Variants in ARHGAP21 observed in about 807,000 individuals in gnomAD.
The protein encoded by ARHGAP21 is rho GTPase-activating protein 21.
Under a neutral mutation model 164.6 loss-of-function variants are expected in ARHGAP21, and 38 were observed. The ratio of observed to expected loss-of-function variants is 0.23; its 90% CI spans 0.18 to 0.30. The LOEUF is 0.30. Ranked by LOEUF, ARHGAP21 falls within the 10% of genes least tolerant of loss-of-function variation. The pLI, the probability that ARHGAP21 is intolerant of heterozygous loss-of-function variation, is 1.00. For synonymous variants in ARHGAP21, 766 were observed against 857.9 expected (o/e 0.89, Z 1.87); for missense variants, 1,822 against 2,370.7 (o/e 0.77, Z 4.81).
At chr10:24,638,942 C>G (rs770776733) in intron 4 of ARHGAP21, among the ~76,000 whole-genome samples, 1 of 152,130 alleles carries the variant, frequency 6.6e-6, no homozygotes, top group Non-Finnish European at 1.5e-5. Flanking sequence ...GAACACTACA[C>G]TTGAAATCAG....
intron 21 of ARHGAP21, among the ~76,000 whole-genome samples, chr10:24,593,433 A>C (rs1395935260): frequency 6.6e-6 from 1 of 152,140 alleles, no homozygotes; most frequent in Non-Finnish European, 1.5e-5. Context: ...TAGACTCTTG[A>C]CTATGATTTA....
intron 4 of ARHGAP21, among the ~76,000 whole-genome samples, chr10:24,652,768 G>T (rs1452946821): frequency 6.6e-6 from 1 of 152,190 alleles, no homozygotes; most frequent in Non-Finnish European, 1.5e-5. Context: ...ACAACAGCAA[G>T]TGTCAGTGAG....
At chr10:24,601,860 TG>T (rs1458354650) in intron 13 of ARHGAP21, 117 bp downstream of exon 13, 11 of 1,191,424 alleles carry the variant, frequency 9.2e-6, no homozygotes, top group Non-Finnish European at 1.2e-5. Context: ...TATTTATAAA[TG>T]GTTTTTTTTT....
intron 4 of ARHGAP21, among the ~76,000 whole-genome samples, chr10:24,653,093 A>G (rs543349056): frequency 2.6e-5 from 4 of 152,340 alleles, no homozygotes; most frequent in African/African-American, 4.8e-5. Flanking sequence ...CATACATAAG[A>G]TAAAAAATAC....
chr10:24,588,246 G>A (rs1257841017), intron 25 of ARHGAP21, among the ~76,000 whole-genome samples: 1 of 152,008 alleles, frequency 6.6e-6, no homozygotes, highest in Non-Finnish European at 1.5e-5. Context: ...GAATGCCCCA[G>A]TTCTCTGGTG....
intron 16 of ARHGAP21, 109 bp from the exon 17 acceptor site, chr10:24,596,991 T>C: frequency 8.4e-7 from 1 of 1,193,736 alleles, no homozygotes; most frequent in East Asian, 2.7e-5. Context: ...AGTCCTGTAA[T>C]ATAAATAATA....
chr10:24,690,970 T>A (rs1309513129), intron 2 of ARHGAP21, among the ~76,000 whole-genome samples: 1 of 151,954 alleles, frequency 6.6e-6, no homozygotes, highest in Non-Finnish European at 1.5e-5. Context: ...ATTAGAAAAG[T>A]ACATGGTGTC....
chr10:24,689,273 CATT>C (rs1294397723), intron 2 of ARHGAP21, among the ~76,000 whole-genome samples: 1 of 152,088 alleles, frequency 6.6e-6, no homozygotes, highest in South Asian at 2.1e-4. Flanking sequence ...GCTAATGTAT[CATT>C]TTTTTTCTAA....
intron 4 of ARHGAP21, among the ~76,000 whole-genome samples, chr10:24,657,984 C>G (rs545960410): frequency 1.4e-5 from 2 of 142,044 alleles, no homozygotes; most frequent in South Asian, 4.9e-4. Flanking sequence ...CTGACCTTCC[C>G]TCCACTATTG....
At chr10:24,688,503 T>C (rs928791208) in intron 2 of ARHGAP21, among the ~76,000 whole-genome samples, 4 of 152,218 alleles carry the variant, frequency 2.6e-5, no homozygotes, top group African/African-American at 7.2e-5. Context: ...ATCCAAACTA[T>C]GCATTAGGGT....
chr10:24,698,390 A>T (rs1351213344), intron 2 of ARHGAP21, among the ~76,000 whole-genome samples: 1 of 152,152 alleles, frequency 6.6e-6, no homozygotes, highest in Admixed American at 6.5e-5. Context: ...CGGCAAAGTG[A>T]CTAGTGAGTA....
Position 24,722,089 on chromosome 10 carries a change from C to T in ARHGAP21, c.-190G>A, listed in dbSNP as rs909969123. 6 of 628,840 alleles carry T rather than the reference C, an allele frequency of 9.5e-6. No individual in the cohort carries two copies. Among genetic ancestry groups the T allele is most frequent in the Non-Finnish European group, 1.7e-5 (6 of 347,182 alleles). The allele number at this position is 628,840 out of a possible 1,614,324, so 39.0% of individuals were successfully genotyped here. A position where few individuals can be genotyped will look rare whatever the true frequency, so the allele number is the denominator to read the frequency against. ...GCGCCTTCAAATGCCTCGCTGATTT[C>T]TCGTGACTTCAACTGACTTCGCCTT... On this transcript the variant is annotated 5_prime_UTR_variant, in exon 2 of 26. Coordinates refer to ENST00000396432, the MANE Select transcript of ARHGAP21 (RefSeq NM_020824.4).
chr10:24,678,042 G>T (rs1841426942), intron 2 of ARHGAP21, among the ~76,000 whole-genome samples: 1 of 151,798 alleles, frequency 6.6e-6, no homozygotes, highest in East Asian at 1.9e-4. Flanking sequence ...TGGGAGGGCA[G>T]CTTGAGCCCA....
chr10:24,603,241 AGGAAGAGCAAGAAAGTGTGGCAAGAT>A (rs992725004), intron 12 of ARHGAP21, among the ~76,000 whole-genome samples: 35 of 152,206 alleles, frequency 2.3e-4, no homozygotes, highest in Non-Finnish European at 7.3e-5. Flanking sequence ...TTCAGTTAGA[AGGAAGAGCAAGAAAGTGTGGCAAGAT>A]GGAAGCCAGC....
intron 9 of ARHGAP21, among the ~76,000 whole-genome samples, chr10:24,615,381 C>T (rs1188061221): frequency 6.6e-6 from 1 of 152,062 alleles, no homozygotes; most frequent in Non-Finnish European, 1.5e-5. Context: ...ACACATACAG[C>T]CAACGTTGGG....
At chr10:24,708,767 C>G (rs1003271142) in intron 2 of ARHGAP21, among the ~76,000 whole-genome samples, 1 of 152,190 alleles carries the variant, frequency 6.6e-6, no homozygotes, top group African/African-American at 2.4e-5. Flanking sequence ...TTCATTCTTT[C>G]TTATGGCTGA....
chr10:24,664,471 G>A (rs996932798), intron 4 of ARHGAP21, among the ~76,000 whole-genome samples: 16 of 151,434 alleles, frequency 1.1e-4, no homozygotes, highest in African/African-American at 3.6e-4. Context: ...CAGGAGAATC[G>A]CTTGAACCCA....
chr10:24,613,849 A>C (rs1394117282), intron 9 of ARHGAP21, among the ~76,000 whole-genome samples: 1 of 152,176 alleles, frequency 6.6e-6, no homozygotes, highest in East Asian at 1.9e-4. Context: ...GGGCAAGTGG[A>C]AGGATCACTT....
intron 16 of ARHGAP21, among the ~76,000 whole-genome samples, 193 bp from the exon 17 acceptor site, chr10:24,597,075 T>C (rs1592957425): frequency 6.6e-6 from 1 of 150,486 alleles, no homozygotes; most frequent in East Asian, 2.0e-4. Flanking sequence ...CGTGCTATAA[T>C]TTTCTTTAAA....
Sources: gnomAD v4.1 joint callset for allele counts (sites outside exome capture counted in the v4.1 genomes callset) on GRCh38, gnomAD v4.1.1 for gene constraint, MANE v1.5 for transcripts, NCBI Gene and HGNC (gene_info 2026-07-23, HGNC 2026-07-21) for gene names.